BBX: variants seen among roughly 807,000 people sequenced by gnomAD.
BBX encodes the protein HMG box transcription factor BBX.
Under a neutral mutation model 100.2 loss-of-function variants are expected in BBX, and 30 were observed. The ratio of observed to expected loss-of-function variants is 0.30; its 90% CI spans 0.22 to 0.41. The LOEUF is 0.41. Among genes scored for constraint, BBX ranks in the 10% least tolerant of loss-of-function variants. The pLI is 1.00. For missense variants in BBX, 1,023 were observed against 1,129.8 expected (o/e 0.91, Z 1.35); for synonymous variants, 376 against 388.1 (o/e 0.97, Z 0.37).
chr3:107,677,273 G>A (rs1218299106), intron 3 of BBX, among the ~76,000 whole-genome samples: 2 of 152,090 alleles, frequency 1.3e-5, no homozygotes, highest in Non-Finnish European at 2.9e-5. Flanking sequence ...TAGAAAATAA[G>A]CTTTGGTATT....
At chr3:107,567,568 T>A (rs2051013868) in intron 2 of BBX, among the ~76,000 whole-genome samples, 1 of 152,198 alleles carries the variant, frequency 6.6e-6, no homozygotes, top group Admixed American at 6.5e-5. Context: ...ACCTACTTTT[T>A]AAATTTCATT....
intron 2 of BBX, among the ~76,000 whole-genome samples, chr3:107,635,070 A>G (rs1310932056): frequency 6.6e-6 from 1 of 152,188 alleles, no homozygotes; most frequent in Non-Finnish European, 1.5e-5. Context: ...AATAATTATC[A>G]TATATATTGT....
chr3:107,734,081 T>C (rs1039907324), intron 7 of BBX, among the ~76,000 whole-genome samples: 2 of 152,202 alleles, frequency 1.3e-5, no homozygotes, highest in Non-Finnish European at 2.9e-5. Flanking sequence ...TTGGGTCATA[T>C]TTTTTACTTT....
At chr3:107,803,231 A>G (rs1439743991) in intron 17 of BBX, among the ~76,000 whole-genome samples, 1 of 152,226 alleles carries the variant, frequency 6.6e-6, no homozygotes, top group African/African-American at 2.4e-5. Context: ...TCCATTAGAA[A>G]GAACAGTAAT....
intron 3 of BBX, among the ~76,000 whole-genome samples, chr3:107,694,574 A>G (rs1388537939): frequency 8.9e-5 from 13 of 146,650 alleles, no homozygotes; most frequent in Admixed American, 5.4e-4. Flanking sequence ...AAGCTTTTTG[A>G]TGTGCTGCTG....
intron 2 of BBX, among the ~76,000 whole-genome samples, chr3:107,603,848 G>A (rs904325582): frequency 2.6e-5 from 4 of 151,988 alleles, no homozygotes; most frequent in Non-Finnish European, 5.9e-5. Flanking sequence ...AAAATTTAGT[G>A]TGTACTTTTT....
chr3:107,585,223 G>A (rs1284327102), intron 2 of BBX, among the ~76,000 whole-genome samples: 1 of 152,178 alleles, frequency 6.6e-6, no homozygotes, highest in Admixed American at 6.5e-5. Context: ...GTGGAGAGGT[G>A]TTCTGGAGGA....
intron 2 of BBX, among the ~76,000 whole-genome samples, chr3:107,557,305 G>A (rs2050156367): frequency 6.6e-6 from 1 of 152,160 alleles, no homozygotes; most frequent in Admixed American, 6.5e-5. Context: ...TCCATTTTGA[G>A]AAGTGTGGCC....
chr3:107,760,318 C>T (rs565790566), intron 10 of BBX, among the ~76,000 whole-genome samples: 1 of 152,228 alleles, frequency 6.6e-6, no homozygotes, highest in Non-Finnish European at 1.5e-5. Flanking sequence ...GTATGTGTGG[C>T]TGAATAAGAT....
chr3:107,773,424 C>T lies in BBX; in HGVS notation c.1703C>T (p.Thr568Ile). The T allele has an allele frequency of 6.2e-7, 1 of 1,614,052 alleles. No homozygotes were observed. Among genetic ancestry groups the T allele is most frequent in the Non-Finnish European group, 8.5e-7 (1 of 1,179,974 alleles). The change falls in exon 11 of 18, where the codon ACA becomes ATA. Residue 568 changes from threonine to isoleucine, a missense_variant. This residue lies in a region of BBX where 348 missense variants were observed against 353.2 expected (regional missense o/e 0.99). Coordinates refer to ENST00000325805, the MANE Select transcript of BBX (RefSeq NM_001142568.3). This position sits in a 1 kb window ranked among gnomAD's most constrained non-coding sequence, Gnocchi z 4.1. ...ISASKNISGE[T>I]PEGIKAEPLT... ...GCTAGCAAGAACATTTCTGGTGAGA[C>T]ACCAGAGGGTATAAAAGCAGAACCA...
chr3:107,728,282 A>G (rs2063097303), intron 5 of BBX, among the ~76,000 whole-genome samples: 1 of 152,180 alleles, frequency 6.6e-6, no homozygotes, highest in African/African-American at 2.4e-5. Flanking sequence ...TAAAGATATG[A>G]GTGATGTGCT....
At chr3:107,789,971 C>T in intron 14 of BBX, 95 bp downstream of exon 14, 1 of 957,424 alleles carries the variant, frequency 1.0e-6, no homozygotes, top group Non-Finnish European at 1.5e-6. Flanking sequence ...TTTGCCTTGT[C>T]CTCCCCTCTG....
intron 2 of BBX, among the ~76,000 whole-genome samples, chr3:107,629,928 C>T (rs567266212): frequency 3.3e-5 from 5 of 152,142 alleles, no homozygotes; most frequent in South Asian, 2.1e-4. Flanking sequence ...TGGTGAGATG[C>T]GTGTCTGTAG....
chr3:107,584,097 ATATATAT>A (rs1385517462), intron 2 of BBX, among the ~76,000 whole-genome samples: 7,730 of 24,122 alleles, frequency 0.32, 1,801 homozygotes, highest in Non-Finnish European at 0.43. Flanking sequence ...ATCATATATT[ATATATAT>A]TATATATTAT....
At position 107,748,009 on chromosome 3, in the gene BBX, T is replaced by G; in HGVS notation, c.795T>G (p.Cys265Trp). The G allele has an allele frequency of 6.2e-7, 1 of 1,613,714 alleles. No individual in the cohort carries two copies. The highest frequency in any genetic ancestry group is 8.5e-7 in the Non-Finnish European group (1 of 1,179,786). Residue 265 changes from cysteine to tryptophan, a missense_variant, in exon 9 of 18, where the codon TGT becomes TGG. This residue lies in a region of BBX where 95 missense variants were observed against 95.1 expected (regional missense o/e 1.00). Transcript: ENST00000325805. Reference protein sequence around the residue: ...TSHSDASTKQCQTSALFQFAE... With the variant: ...TSHSDASTKQWQTSALFQFAE... ...ACTCTGATGCTTCTACAAAGCAGTG[T>G]CAAACATCTGCCTTGTTTCAGTTTG...
intron 4 of BBX, among the ~76,000 whole-genome samples, chr3:107,714,468 A>G (rs72941384): frequency 0.12 from 18,538 of 152,216 alleles, 1,338 homozygotes; most frequent in African/African-American, 0.18. Context: ...GTTGAATTTT[A>G]TAATTTAATA....
chr3:107,556,594 G>A (rs527435152), intron 2 of BBX, among the ~76,000 whole-genome samples: 94 of 152,284 alleles, frequency 6.2e-4, no homozygotes, highest in Non-Finnish European at 1.2e-3. Context: ...TATTTTTTAT[G>A]AAGAGATTGC....
At chr3:107,607,296 C>T (rs554590416) in intron 2 of BBX, among the ~76,000 whole-genome samples, 5 of 152,180 alleles carry the variant, frequency 3.3e-5, no homozygotes, top group South Asian at 2.1e-4. Context: ...AGGGTTTCAC[C>T]GTGTTGGCTC....
At chr3:107,528,966 T>C (rs2047969727) in intron 2 of BBX, among the ~76,000 whole-genome samples, 1 of 152,236 alleles carries the variant, frequency 6.6e-6, no homozygotes. Context: ...TGAATTTCAA[T>C]TACTTTTATA....
Sources: gnomAD v4.1 joint callset for allele counts (sites outside exome capture counted in the v4.1 genomes callset) on GRCh38, gnomAD v4.1.1 for gene constraint, gnomAD v4.1.1 regional missense constraint, Gnocchi (gnomAD v3.1) non-coding constraint, MANE v1.5 for transcripts, NCBI Gene and HGNC (gene_info 2026-07-23, HGNC 2026-07-21) for gene names.